The following PNKD variants were observed in gnomAD, a reference collection of about 807,000 sequenced individuals.
The protein encoded by PNKD is probable thioesterase PNKD.
PNKD carries 36 observed loss-of-function variants against 45.3 expected under a neutral mutation model. The ratio of observed to expected loss-of-function variants is 0.80; its 90% confidence interval spans 0.61 to 1.05. The LOEUF is 1.05. Among genes scored for constraint, PNKD ranks in the 50% least tolerant of loss-of-function variants. PNKD has a pLI of 0.00. For missense variants in PNKD, 511 were observed against 506.6 expected, an observed-to-expected ratio of 1.01 and a Z score of -0.08; for synonymous variants, 197 against 210.1, an observed-to-expected ratio of 0.94 and a Z score of 0.54.
chr2:218,302,042 C>G (rs984355973), intron 2 of PNKD, among the ~76,000 whole-genome samples: 3 of 152,184 alleles, frequency 2.0e-5, no homozygotes, highest in Admixed American at 1.3e-4. Flanking sequence ...AAAGCTGACT[C>G]AGTGCCCTAA....
intron 2 of PNKD, among the ~76,000 whole-genome samples, chr2:218,311,458 G>A (rs1365612528): frequency 6.6e-6 from 1 of 152,104 alleles, no homozygotes; most frequent in Non-Finnish European, 1.5e-5. Context: ...AGTGTAGCAG[G>A]GCAACAGGTG....
intron 2 of PNKD, among the ~76,000 whole-genome samples, chr2:218,337,756 G>A (rs1172199278): frequency 6.6e-6 from 1 of 152,136 alleles, no homozygotes; most frequent in Non-Finnish European, 1.5e-5. Context: ...TGATAAGCGA[G>A]GAACGGAGCA....
intron 2 of PNKD, among the ~76,000 whole-genome samples, chr2:218,321,064 CTTG>C (rs1386742451): frequency 2.0e-5 from 3 of 152,168 alleles, no homozygotes; most frequent in Non-Finnish European, 2.9e-5. Context: ...TATCTATAAT[CTTG>C]TTAATTGTCT....
intron 2 of PNKD, among the ~76,000 whole-genome samples, chr2:218,288,613 G>C (rs1353958036): frequency 1.3e-5 from 2 of 152,100 alleles, no homozygotes; most frequent in African/African-American, 2.4e-5. Flanking sequence ...ATGCTCACTG[G>C]AGCATTTCTG....
At chr2:218,304,648 A>G (rs1383319473) in intron 2 of PNKD, among the ~76,000 whole-genome samples, 1 of 152,226 alleles carries the variant, frequency 6.6e-6, no homozygotes, top group Non-Finnish European at 1.5e-5. Flanking sequence ...TTTTCTACCC[A>G]GGCTGGTTAC....
intron 2 of PNKD, among the ~76,000 whole-genome samples, chr2:218,309,117 G>A (rs1305772632): frequency 1.3e-5 from 2 of 151,466 alleles, no homozygotes; most frequent in Admixed American, 6.6e-5. Context: ...CTCCCACCAC[G>A]GCCTCCCAAG....
chr2:218,277,940 G>A (rs145538425), intron 2 of PNKD: 10 of 1,614,078 alleles, frequency 6.2e-6, no homozygotes, highest in African/African-American at 1.3e-5. Context: ...CTTACAAAAA[G>A]GGTCAGCAGA....
rs557276384 is a variant in PNKD at position 218,296,622 on chromosome 2, G to T, written c.236+25073G>T. Among the ~76,000 whole-genome samples the T allele has an allele frequency of 1.5e-3, 227 of 152,282 alleles. 1 individual carries two copies. The highest frequency in any genetic ancestry group is 5.3e-3 in the African/African-American group (222 of 41,564). Reference sequence around the variant, plus strand: ...GCATTTAATGTGTTACTCTACCCATGCATTGATCACTAACTTTCTGAAAGA... The same window carrying T: ...GCATTTAATGTGTTACTCTACCCATTCATTGATCACTAACTTTCTGAAAGA... On this transcript the variant is annotated intron_variant, in intron 2 of 9. Transcript: ENST00000273077.
At chr2:218,332,615 T>G (rs913044727) in intron 2 of PNKD, among the ~76,000 whole-genome samples, 12 of 152,016 alleles carry the variant, frequency 7.9e-5, no homozygotes, top group African/African-American at 2.9e-4. Context: ...CAGCAAGGAC[T>G]GCAACCTGTC....
At chr2:218,294,689 G>T (rs558608825) in intron 2 of PNKD, among the ~76,000 whole-genome samples, 1 of 152,156 alleles carries the variant, frequency 6.6e-6, no homozygotes, top group Admixed American at 6.5e-5. Context: ...TGTTGCCCAC[G>T]CTGGTCTTGA....
chr2:218,275,405 C>T, intron 2 of PNKD: 1 of 1,538,128 alleles, frequency 6.5e-7, no homozygotes, highest in Non-Finnish European at 8.7e-7. Context: ...GCCCAGACCA[C>T]AGTCATAGGG....
chr2:218,339,978 C>T (rs1200588007), intron 3 of PNKD, 51 bp from the exon 4 acceptor site: 1 of 1,467,618 alleles, frequency 6.8e-7, no homozygotes, highest in South Asian at 1.1e-5. Context: ...CATACCCCAG[C>T]CCCTGGGCTC....
In PNKD at chr2:218,271,457, GGGCAA is replaced by G. The variant is rs747278532; in HGVS notation, c.147_151del (p.Lys50GlyfsTer3). On this transcript the variant is annotated frameshift_variant, in exon 2 of 10. Coordinates refer to ENST00000273077, the MANE Select transcript of PNKD (RefSeq NM_015488.5). LOFTEE classifies it high-confidence loss of function. ...CCCTGCAAAGCCACAGCTCCCCAGA[GGGCAA>G]GGAGGAACCTGAACCCCTATCCCCG... The G allele has an allele frequency of 6.2e-7, 1 of 1,613,994 alleles. No homozygotes were observed. The highest frequency in any genetic ancestry group is 1.3e-5 in the African/African-American group (1 of 74,928).
intron 2 of PNKD, among the ~76,000 whole-genome samples, chr2:218,338,708 T>C (rs2106291548): frequency 6.6e-6 from 1 of 150,830 alleles, no homozygotes; most frequent in South Asian, 2.1e-4. Context: ...GGTCTTGAAC[T>C]CCTGACCTCA....
Position 218,323,545 on chromosome 2 carries a change from G to A in PNKD, c.237-16238G>A, listed in dbSNP as rs372645734. 6.0e-3 allele frequency: 6,023 copies of A among 1,008,328 alleles called. 36 individuals carry two copies. The highest frequency in any genetic ancestry group is 7.0e-3 in the Non-Finnish European group (5,147 of 739,856). 62.5% of individuals were successfully genotyped at this position (1,008,328 alleles called of 1,614,324 possible). A position where few individuals can be genotyped will look rare whatever the true frequency, so the allele number is the denominator to read the frequency against. On this transcript the variant is annotated intron_variant, in intron 2 of 9. Coordinates refer to ENST00000273077, the MANE Select transcript of PNKD (RefSeq NM_015488.5). ...GGCGTGGCGGTTAGGAAGGGGCTTG[G>A]TCTAAGGGAAGAGGGATCGAGGAGA...
rs1275334247 is a variant in PNKD, at chr2:218,339,779, C to T, written c.237-4C>T. ...TAATCATAGGCCACCCACTCGCCCTCTAGGTACAGCCTGTACACCCGCACC... is the reference window on the plus strand; with the variant it reads ...TAATCATAGGCCACCCACTCGCCCTTTAGGTACAGCCTGTACACCCGCACC... On this transcript the variant is annotated splice_polypyrimidine_tract_variant and splice_region_variant and intron_variant, in intron 2 of 9. Coordinates refer to ENST00000273077, the MANE Select transcript of PNKD (RefSeq NM_015488.5). 3 of 1,602,940 alleles carry T rather than the reference C, an allele frequency of 1.9e-6. No homozygotes were observed. The highest frequency in any genetic ancestry group is 2.2e-5 in the South Asian group (2 of 90,762).
At chr2:218,310,731 A>ATTAG (rs1693589520) in intron 2 of PNKD, among the ~76,000 whole-genome samples, 1 of 150,788 alleles carries the variant, frequency 6.6e-6, no homozygotes, top group South Asian at 2.1e-4. Context: ...ACCTGGGGTT[A>ATTAG]CAGGTGCGTG....
At chr2:218,302,680 C>A (rs1693301332) in intron 2 of PNKD, among the ~76,000 whole-genome samples, 1 of 152,132 alleles carries the variant, frequency 6.6e-6, no homozygotes, top group African/African-American at 2.4e-5. Context: ...CTAAAGATAT[C>A]AATGAAAACA....
At chr2:218,323,471 G>A in intron 2 of PNKD, 1 of 1,494,856 alleles carries the variant, frequency 6.7e-7, no homozygotes, top group Non-Finnish European at 8.9e-7. Context: ...CTCGGGAGGC[G>A]GGCGCGCTGG....
Sources: allele counts gnomAD v4.1 joint callset (sites outside exome capture counted in the v4.1 genomes callset), GRCh38; gene constraint gnomAD v4.1.1; transcripts MANE v1.5; gene names NCBI Gene and HGNC (gene_info 2026-07-23, HGNC 2026-07-21).